Variants in NUP98 observed in about 807,000 individuals in gnomAD.
NUP98 encodes nuclear pore complex protein Nup98-Nup96.
Under a neutral mutation model 191.9 loss-of-function variants are expected in NUP98, and 26 were observed. The ratio of observed to expected loss-of-function variants is 0.14; its 90% CI spans 0.10 to 0.19. The LOEUF is 0.19. Ranked by LOEUF, NUP98 falls within the 10% of genes least tolerant of loss-of-function variation. The probability of loss-of-function intolerance (pLI) is 1.00; values close to 1 mark genes in which losing one functional copy is unlikely to be tolerated. For synonymous variants in NUP98, 808 were observed against 778.4 expected (o/e 1.04, Z -0.63); for missense variants, 1,941 against 2,178.8 (o/e 0.89, Z 2.17).
intron 21 of NUP98, among the ~76,000 whole-genome samples, chr11:3,706,099 G>A (rs1192809412): frequency 2.0e-5 from 3 of 151,892 alleles, no homozygotes; most frequent in African/African-American, 7.3e-5. Context: ...AACCCAGGAG[G>A]TGGAGGTTGC....
chr11:3,752,591 GA>G (rs145482305), intron 11 of NUP98, among the ~76,000 whole-genome samples: 159 of 145,744 alleles, frequency 1.1e-3, no homozygotes, highest in African/African-American at 1.3e-3. Context: ...GATAGAAGGG[GA>G]AAAAAAAAAC....
chr11:3,778,931 G>C lies in NUP98; in HGVS notation c.297C>G (p.Thr99=), dbSNP rs1189844263. 2 of 1,614,188 alleles carry C rather than the reference G, an allele frequency of 1.2e-6. No homozygotes were observed. Among genetic ancestry groups the C allele is most frequent in the Admixed American group, 1.7e-5 (1 of 60,012 alleles). The part of the protein sequence containing the change: ...NTLFGTASTG[T]SLFSSQNNAF... Reference sequence around the variant, plus strand: ...CATTGTTTTGGGATGAGAAGAGACTGGTCCCTGTGCTTGCAGTTCCAAACA... The same window carrying C: ...CATTGTTTTGGGATGAGAAGAGACTCGTCCCTGTGCTTGCAGTTCCAAACA... The change falls in exon 4 of 33, where the codon ACC becomes ACG. Residue 99 remains threonine, a synonymous_variant. Coordinates refer to ENST00000324932, the MANE Select transcript of NUP98 (RefSeq NM_016320.5).
intron 25 of NUP98, among the ~76,000 whole-genome samples, chr11:3,697,420 TA>T (rs1184727841): frequency 6.6e-6 from 1 of 152,208 alleles, no homozygotes; most frequent in African/African-American, 2.4e-5. Flanking sequence ...TGGCTCCAAT[TA>T]GTTGGCTTTG....
rs932050708 is a variant in NUP98, at chr11:3,792,939, G to A, written c.-29+4461C>T. On this transcript the variant is annotated intron_variant, in intron 1 of 32. Transcript: ENST00000324932. ...TTCAAACCCAACATGGCGAAACCCC[G>A]TCTCTACTAAAAATACAAAAAATTA... Among the ~76,000 whole-genome samples, 13 of 151,784 alleles carry A rather than the reference G, an allele frequency of 8.6e-5. No homozygotes were observed. In the East Asian group the frequency reaches 1.2e-3, roughly 14 times the overall value.
At chr11:3,707,633 AG>A (rs1284674632) in intron 20 of NUP98, among the ~76,000 whole-genome samples, 9 of 150,574 alleles carry the variant, frequency 6.0e-5, no homozygotes, top group Non-Finnish European at 1.0e-4. Flanking sequence ...CTGGGATTAC[AG>A]GCACATGCCT....
intron 10 of NUP98, among the ~76,000 whole-genome samples, chr11:3,755,407 G>A (rs1273180926): frequency 1.3e-5 from 2 of 151,972 alleles, no homozygotes; most frequent in South Asian, 2.1e-4. Context: ...GAGGGTTACA[G>A]TGAGCTGAGA....
intron 15 of NUP98, among the ~76,000 whole-genome samples, chr11:3,724,662 G>A (rs1439329279): frequency 9.9e-5 from 15 of 150,876 alleles, no homozygotes; most frequent in Admixed American, 4.6e-4. Context: ...GCATGGTGGC[G>A]GGTGCCTGTA....
chr11:3,760,843 A>C (rs1216648857), intron 9 of NUP98, among the ~76,000 whole-genome samples: 1 of 152,216 alleles, frequency 6.6e-6, no homozygotes, highest in Non-Finnish European at 1.5e-5. Flanking sequence ...CTGAAAAGTT[A>C]ATGGTAACCC....
At chr11:3,704,609 A>T (rs2078803123) in intron 22 of NUP98, among the ~76,000 whole-genome samples, 1 of 152,218 alleles carries the variant, frequency 6.6e-6, no homozygotes, top group Non-Finnish European at 1.5e-5. Context: ...TCTAATCCAC[A>T]TTCATAAGCA....
intron 20 of NUP98, among the ~76,000 whole-genome samples, chr11:3,708,400 A>G (rs1021490623): frequency 3.3e-5 from 5 of 152,184 alleles, no homozygotes; most frequent in Admixed American, 2.0e-4. Flanking sequence ...AGATAACATG[A>G]GAGGATTTCG....
chr11:3,699,013 G>A (rs557894372), intron 25 of NUP98, 69 bp downstream of exon 25: 246 of 1,552,172 alleles, frequency 1.6e-4, no homozygotes, highest in African/African-American at 3.7e-4. Context: ...CACAATTAGC[G>A]GGGAGCGGTA....
intron 1 of NUP98, among the ~76,000 whole-genome samples, chr11:3,794,069 G>A (rs1273622964): frequency 6.6e-6 from 1 of 152,162 alleles, no homozygotes; most frequent in Non-Finnish European, 1.5e-5. Context: ...ATTCCTGATC[G>A]TTACAACCTG....
intron 7 of NUP98, among the ~76,000 whole-genome samples, chr11:3,769,430 C>T (rs901868703): frequency 6.6e-6 from 1 of 151,276 alleles, no homozygotes; most frequent in African/African-American, 2.4e-5. Context: ...TGTCCTCCAA[C>T]CCCCACCAAA....
At chr11:3,737,193 A>G (rs1406631760) in intron 12 of NUP98, among the ~76,000 whole-genome samples, 2 of 152,164 alleles carry the variant, frequency 1.3e-5, no homozygotes, top group African/African-American at 4.8e-5. Context: ...TTTTTCCCTT[A>G]TAAACATTTA....
chr11:3,713,297 G>T (rs1241485514), intron 19 of NUP98, among the ~76,000 whole-genome samples: 1 of 152,212 alleles, frequency 6.6e-6, no homozygotes, highest in Non-Finnish European at 1.5e-5. Context: ...CCTCATAGGA[G>T]TTGGGTAGAG....
chr11:3,747,381 T>A (rs920284709), intron 11 of NUP98, among the ~76,000 whole-genome samples: 1 of 152,204 alleles, frequency 6.6e-6, no homozygotes, highest in Non-Finnish European at 1.5e-5. Flanking sequence ...AACCTTCCTA[T>A]ATGTAGCCAT....
At chr11:3,714,552 A>G (rs2079116508) in intron 18 of NUP98, among the ~76,000 whole-genome samples, 1 of 152,158 alleles carries the variant, frequency 6.6e-6, no homozygotes, top group African/African-American at 2.4e-5. Context: ...TAATAGGTAG[A>G]TGCTGCTCTC....
intron 12 of NUP98, among the ~76,000 whole-genome samples, chr11:3,741,851 C>T (rs987790769): frequency 1.3e-5 from 2 of 152,122 alleles, no homozygotes; most frequent in Non-Finnish European, 2.9e-5. Flanking sequence ...GGAAGACAGT[C>T]GATGTTCTGA....
intron 11 of NUP98, among the ~76,000 whole-genome samples, chr11:3,750,730 C>T (rs568433623): frequency 2.0e-4 from 31 of 152,116 alleles, no homozygotes; most frequent in South Asian, 1.7e-3. Flanking sequence ...CAGGCTGAAG[C>T]GATCCTCCCA....
Sources: gnomAD v4.1 joint callset for allele counts (sites outside exome capture counted in the v4.1 genomes callset) on GRCh38, gnomAD v4.1.1 for gene constraint, MANE v1.5 for transcripts, NCBI Gene and HGNC (gene_info 2026-07-23, HGNC 2026-07-21) for gene names.